UNC80: variants seen among roughly 807,000 people sequenced by gnomAD.
The protein encoded by UNC80 is protein unc-80 homolog.
UNC80 carries 164 observed loss-of-function variants against 384.6 expected under a neutral mutation model. The ratio of observed to expected loss-of-function variants is 0.43; its 90% CI spans 0.38 to 0.49. UNC80 has a LOEUF of 0.49. Ranked by LOEUF, UNC80 falls within the 20% of genes least tolerant of loss-of-function variation. The pLI is 0.00. For missense variants in UNC80, 3,330 were observed against 4,143.0 expected (o/e 0.80, Z 5.39); for synonymous variants, 1,486 against 1,527.8 (o/e 0.97, Z 0.64).
chr2:209,796,209 G>A (rs1237196842), intron 7 of UNC80: 1 of 152,254 alleles, frequency 6.6e-6, no homozygotes, highest in African/African-American at 2.4e-5. Context: ...TGACTGTCCT[G>A]CTGGACTTTG....
At chr2:209,794,760 T>C (rs1218333410) in intron 7 of UNC80, 3 of 453,830 alleles carry the variant, frequency 6.6e-6, no homozygotes, top group South Asian at 1.6e-5. Flanking sequence ...CACTTTTGTC[T>C]CTTCTTCATT....
At chr2:209,860,235 G>C (rs34395024) in intron 22 of UNC80, among the ~76,000 whole-genome samples, 24,739 of 152,078 alleles carry the variant, frequency 0.16, 2,618 homozygotes, top group African/African-American at 0.29. Context: ...TCCAGTTTCA[G>C]TTCTCTGCAT....
At chr2:209,791,371 G>GC (rs2153825597) in intron 6 of UNC80, among the ~76,000 whole-genome samples, 1 of 149,622 alleles carries the variant, frequency 6.7e-6, no homozygotes, top group African/African-American at 2.5e-5. Flanking sequence ...TCCTCTCCCT[G>GC]TTTTTTTTGT....
intron 63 of UNC80, among the ~76,000 whole-genome samples, 153 bp downstream of exon 63, chr2:209,993,579 C>A (rs570343348): frequency 1.3e-5 from 2 of 152,138 alleles, no homozygotes; most frequent in African/African-American, 4.8e-5. Context: ...ACTGTAGTGT[C>A]TTTTTTTTCT....
chr2:209,876,035 C>T (rs1305702922), intron 23 of UNC80, among the ~76,000 whole-genome samples: 2 of 152,164 alleles, frequency 1.3e-5, no homozygotes, highest in African/African-American at 4.8e-5. Flanking sequence ...CCGACCCTCT[C>T]CCTCTCTGAG....
At chr2:209,841,597 G>A (rs1275107142) in intron 20 of UNC80, among the ~76,000 whole-genome samples, 2 of 152,062 alleles carry the variant, frequency 1.3e-5, no homozygotes, top group African/African-American at 2.4e-5. Context: ...TGATCCACCT[G>A]CCTCGGCCTC....
At chr2:209,984,948 TGCTGGGAAACTA>T (rs768209937) in intron 61 of UNC80, 36 bp downstream of exon 61, 2 of 1,531,974 alleles carry the variant, frequency 1.3e-6, no homozygotes, top group East Asian at 2.5e-5. Context: ...TTGGTGTCTG[TGCTGGGAAACTA>T]GCTGTTCCCT....
chr2:209,891,434 G>C (rs921496778), intron 26 of UNC80, among the ~76,000 whole-genome samples: 1 of 151,936 alleles, frequency 6.6e-6, no homozygotes, highest in East Asian at 1.9e-4. Flanking sequence ...TTTTAATTTA[G>C]AAGGCAGTCT....
At chr2:209,866,525 CACACACACAGAGAGAG>C (rs2083821359) in intron 22 of UNC80, among the ~76,000 whole-genome samples, 14 of 110,164 alleles carry the variant, frequency 1.3e-4, no homozygotes, top group African/African-American at 5.7e-4. Context: ...CACACACACA[CACACACACAGAGAGAG>C]AGAGAGAGAG....
Position 209,995,750 on chromosome 2 carries a change from C to A in UNC80, c.*155C>A. On this transcript the variant is annotated 3_prime_UTR_variant, in exon 65 of 65. Transcript: ENST00000673920. ...CTGAATAGGTTTTGCTGCCAATACA[C>A]ATGATGTTTCATAAACATCTTAAAA... is the stretch of plus-strand genomic sequence containing the variant. The A allele has an allele frequency of 2.5e-6, 2 of 809,532 alleles. No homozygotes were observed. The highest frequency in any genetic ancestry group is 1.9e-6 in the Non-Finnish European group (1 of 528,924). 50.1% of individuals were successfully genotyped at this position (809,532 alleles called of 1,614,324 possible). A position where few individuals can be genotyped will look rare whatever the true frequency, so the allele number is the denominator to read the frequency against.
chr2:209,943,537 A>T, intron 45 of UNC80, 23 bp downstream of exon 45: 1 of 1,549,772 alleles, frequency 6.5e-7, no homozygotes, highest in Non-Finnish European at 8.7e-7. Context: ...TGTGGGAAAA[A>T]AAAATGAAGA....
At chr2:209,802,584 T>G (rs939092020) in intron 7 of UNC80, among the ~76,000 whole-genome samples, 19 of 152,194 alleles carry the variant, frequency 1.2e-4, no homozygotes, top group African/African-American at 4.3e-4. Flanking sequence ...TGAAGTTTGT[T>G]TTAGTTTTAG....
chr2:209,829,415 G>T, intron 15 of UNC80, 36 bp downstream of exon 15: 2 of 1,549,392 alleles, frequency 1.3e-6, no homozygotes, highest in South Asian at 1.2e-5. Context: ...AGGAGAAGTC[G>T]TTGTGAGGTG....
At chr2:209,894,453 C>A in intron 27 of UNC80, 87 bp downstream of exon 27, 3 of 737,638 alleles carry the variant, frequency 4.1e-6, no homozygotes, top group Non-Finnish European at 3.3e-6. Flanking sequence ...CATTTTCTTA[C>A]ACATAAATAG....
At chr2:209,944,769 C>T (rs1383798182) in intron 45 of UNC80, among the ~76,000 whole-genome samples, 1 of 152,008 alleles carries the variant, frequency 6.6e-6, no homozygotes, top group African/African-American at 2.4e-5. Flanking sequence ...TTAAAGGAAC[C>T]ATTGATATGA....
intron 58 of UNC80, 22 bp from the exon 59 acceptor site, chr2:209,978,507 T>G: frequency 6.6e-7 from 1 of 1,505,508 alleles, no homozygotes; most frequent in Non-Finnish European, 9.0e-7. Context: ...ATGCATTTCC[T>G]TTGGTCTCTC....
chr2:209,875,873 AT>A (rs1300470348), intron 23 of UNC80, among the ~76,000 whole-genome samples: 1 of 151,928 alleles, frequency 6.6e-6, no homozygotes, highest in Non-Finnish European at 1.5e-5. Context: ...TTATTTCTTT[AT>A]TTTTTTATTT....
chr2:209,972,251 T>C lies in UNC80; in HGVS notation c.8307T>C (p.Asn2769=). 6.4e-7 allele frequency: 1 copy of C among 1,551,648 alleles called. No homozygotes were observed. The highest frequency in any genetic ancestry group is 8.7e-7 in the Non-Finnish European group (1 of 1,146,884). Residue 2769 remains asparagine, a synonymous_variant, in exon 55 of 65, where the codon AAT becomes AAC. Transcript: ENST00000673920. ...GCCATGTGATCTCCCCATTCACCAATCAAGAGCGAAGGGAGGGGATGCTTT... is the reference window on the plus strand; with the variant it reads ...GCCATGTGATCTCCCCATTCACCAACCAAGAGCGAAGGGAGGGGATGCTTT... ...PLSHVISPFT[N]QERREGMLLN...
Position 209,995,841 on chromosome 2 carries a change from C to T in UNC80, c.*246C>T. 1 of 443,652 alleles carries T rather than the reference C, an allele frequency of 2.3e-6. No individual in the cohort carries two copies. The highest frequency in any genetic ancestry group is 4.1e-6 in the Non-Finnish European group (1 of 244,154). The allele number at this position is 443,652 out of a possible 1,614,324, so 27.5% of individuals were successfully genotyped here. A position where few individuals can be genotyped will look rare whatever the true frequency, so the allele number is the denominator to read the frequency against. On this transcript the variant is annotated 3_prime_UTR_variant, in exon 65 of 65. Coordinates refer to ENST00000673920, the MANE Select transcript of UNC80 (RefSeq NM_001371986.1). ...ACCAGGGAGGAATAAGGGGAAAGAG[C>T]CATTTCACTGCACATTGTTTATGAT...
Sources: allele counts gnomAD v4.1 joint callset (sites outside exome capture counted in the v4.1 genomes callset), GRCh38; gene constraint gnomAD v4.1.1; transcripts MANE v1.5; gene names NCBI Gene and HGNC (gene_info 2026-07-23, HGNC 2026-07-21).